The following EPHB1 variants were observed in gnomAD, a reference collection of about 807,000 sequenced individuals.
EPHB1 encodes the protein EPH receptor B1.
Under a neutral mutation model 94.4 loss-of-function variants are expected in EPHB1, and 30 were observed. That is an observed-to-expected ratio of 0.32 (90% confidence interval 0.24 to 0.43). EPHB1 has a LOEUF of 0.43. EPHB1 is among the 20% of genes least tolerant of loss of function. The pLI, the probability that EPHB1 is intolerant of heterozygous loss-of-function variation, is 1.00. For synonymous variants in EPHB1, 522 were observed against 489.1 expected, an observed-to-expected ratio of 1.07 and a Z score of -0.89; for missense variants, 1,055 against 1,308.3, an observed-to-expected ratio of 0.81 and a Z score of 2.99.
chr3:134,936,298 G>T (rs1301562652), intron 2 of EPHB1, among the ~76,000 whole-genome samples: 2 of 152,166 alleles, frequency 1.3e-5, no homozygotes, highest in Non-Finnish European at 2.9e-5. Flanking sequence ...GTTTGGGGAA[G>T]TGTGGGGTTG....
At chr3:135,185,862 G>A (rs1458989909) in intron 10 of EPHB1, among the ~76,000 whole-genome samples, 1 of 152,166 alleles carries the variant, frequency 6.6e-6, no homozygotes, top group East Asian at 1.9e-4. Flanking sequence ...CCTCGTTGTT[G>A]GGAATTATGA....
chr3:134,921,437 G>A (rs62270295), intron 1 of EPHB1, among the ~76,000 whole-genome samples: 10,292 of 152,230 alleles, frequency 0.068, 502 homozygotes, highest in South Asian at 0.22. Flanking sequence ...TTTCCAGTTC[G>A]TTTTTCCAGT....
chr3:135,241,009 A>G (rs1428464813), intron 12 of EPHB1, 139 bp from the exon 13 acceptor site: 1 of 1,036,916 alleles, frequency 9.6e-7, no homozygotes, highest in African/African-American at 1.6e-5. Context: ...CTTGTGCACG[A>G]AGCAAGAATA....
chr3:134,933,715 C>G (rs2038946002), intron 2 of EPHB1, among the ~76,000 whole-genome samples: 1 of 152,148 alleles, frequency 6.6e-6, no homozygotes, highest in Non-Finnish European at 1.5e-5. Flanking sequence ...GACCTTTAAC[C>G]TCCTGGATGC....
intron 7 of EPHB1, among the ~76,000 whole-genome samples, chr3:135,162,525 C>T (rs572382843): frequency 6.6e-6 from 1 of 152,178 alleles, no homozygotes. Flanking sequence ...CTTCACTCCT[C>T]TGTGCTTATG....
At chr3:135,216,166 C>A (rs1943144904) in intron 12 of EPHB1, among the ~76,000 whole-genome samples, 1 of 152,140 alleles carries the variant, frequency 6.6e-6, no homozygotes, top group Admixed American at 6.5e-5. Flanking sequence ...ATCACGTTGT[C>A]TGAGACCGAG....
At chr3:134,822,022 A>G (rs573788097) in intron 1 of EPHB1, among the ~76,000 whole-genome samples, 1 of 152,292 alleles carries the variant, frequency 6.6e-6, no homozygotes, top group South Asian at 2.1e-4. Flanking sequence ...AAGGAGGAGG[A>G]GGAAGGGAGC....
intron 1 of EPHB1, among the ~76,000 whole-genome samples, chr3:134,814,436 A>G (rs1397508942): frequency 6.6e-6 from 1 of 152,160 alleles, no homozygotes; most frequent in East Asian, 1.9e-4. Flanking sequence ...GTGCTCCGTG[A>G]TATAGCCAGG....
At chr3:135,105,512 T>C (rs1203369759) in intron 3 of EPHB1, among the ~76,000 whole-genome samples, 1 of 151,918 alleles carries the variant, frequency 6.6e-6, no homozygotes, top group Non-Finnish European at 1.5e-5. Flanking sequence ...TTGTGAGGGA[T>C]CAACAAGGAA....
intron 1 of EPHB1, among the ~76,000 whole-genome samples, chr3:134,870,565 G>C (rs1163895939): frequency 6.6e-6 from 1 of 152,188 alleles, no homozygotes; most frequent in Non-Finnish European, 1.5e-5. Context: ...AATCGTGCTG[G>C]ACCGTGGACA....
At chr3:135,108,825 G>A (rs1333037885) in intron 4 of EPHB1, among the ~76,000 whole-genome samples, 4 of 152,180 alleles carry the variant, frequency 2.6e-5, no homozygotes, top group African/African-American at 9.7e-5. Flanking sequence ...TATGGAATGA[G>A]GTGGGAGCTT....
rs374685682 is a variant in EPHB1, at chr3:135,119,102, T to C, written c.961+12499T>C. ...CTGACCTCCTAGTCATTTTGATTAG[T>C]ATTTCTCTGATTATAAATGAGTGTG... On this transcript the variant is annotated intron_variant, in intron 4 of 15. Transcript: ENST00000398015. Among the ~76,000 whole-genome samples, 249 of 152,332 alleles carry C rather than the reference T, an allele frequency of 1.6e-3. 9 individuals are homozygous for C. The South Asian group carries it at 0.049, about 30-fold the overall frequency.
intron 12 of EPHB1, among the ~76,000 whole-genome samples, chr3:135,207,215 A>G (rs2107714850): frequency 6.6e-6 from 1 of 152,314 alleles, no homozygotes; most frequent in Middle Eastern, 3.4e-3. Flanking sequence ...GTCTTTGTAG[A>G]TGATAGAGCT....
chr3:134,802,047 C>G (rs1252993847), intron 1 of EPHB1, among the ~76,000 whole-genome samples: 1 of 152,186 alleles, frequency 6.6e-6, no homozygotes, highest in Admixed American at 6.5e-5. Context: ...TCAGTTTTCT[C>G]ATTGTTAAAT....
Position 135,061,376 on chromosome 3 carries a change from C to CCCT in EPHB1, c.806-45072_806-45071insCCT, listed in dbSNP as rs1553727856. ...CCCACTTAGGAATGACCACCCCCCC[C>CCCT]GACCCAAGTCCCCAAAGTCCATTGC... On this transcript the variant is annotated intron_variant, in intron 3 of 15. Coordinates refer to ENST00000398015, the MANE Select transcript of EPHB1 (RefSeq NM_004441.5). 1.9e-3 allele frequency among the ~76,000 whole-genome samples: 251 copies of CCCT among 135,454 alleles called. 6 individuals are homozygous for CCCT. Among genetic ancestry groups the CCCT allele is most frequent in the Middle Eastern group, 7.6e-3 (2 of 262 alleles). 88.9% of individuals were successfully genotyped at this position (135,454 alleles called of 152,430 possible). A position where few individuals can be genotyped will look rare whatever the true frequency, so the allele number is the denominator to read the frequency against.
chr3:135,090,471 A>G (rs185577744), intron 3 of EPHB1, among the ~76,000 whole-genome samples: 28 of 152,368 alleles, frequency 1.8e-4, no homozygotes, highest in Middle Eastern at 6.8e-3. Context: ...CCTTATTTCA[A>G]TATTGGTTAT....
intron 1 of EPHB1, among the ~76,000 whole-genome samples, chr3:134,913,475 C>T (rs2038498634): frequency 6.6e-6 from 1 of 152,238 alleles, no homozygotes; most frequent in African/African-American, 2.4e-5. Flanking sequence ...TTCTGAAGCA[C>T]CATCCCTGAC....
intron 5 of EPHB1, among the ~76,000 whole-genome samples, chr3:135,147,099 C>A (rs924921276): frequency 6.6e-6 from 1 of 152,246 alleles, no homozygotes; most frequent in African/African-American, 2.4e-5. Flanking sequence ...TAGGCACACA[C>A]ATCTCTCTGC....
chr3:135,069,834 A>T (rs1937646929), intron 3 of EPHB1, among the ~76,000 whole-genome samples: 1 of 152,264 alleles, frequency 6.6e-6, no homozygotes, highest in Admixed American at 6.5e-5. Flanking sequence ...TAAAAAAAAA[A>T]GCTAGAATGG....
Sources: allele counts gnomAD v4.1 joint callset (sites outside exome capture counted in the v4.1 genomes callset), GRCh38; gene constraint gnomAD v4.1.1; transcripts MANE v1.5; gene names NCBI Gene and HGNC (gene_info 2026-07-23, HGNC 2026-07-21).